CCDC68: variants seen among roughly 807,000 people sequenced by gnomAD.
CCDC68 encodes coiled-coil domain-containing protein 68.
CCDC68 carries 45 observed loss-of-function variants against 47.1 expected under a neutral mutation model. The observed-to-expected ratio is 0.96, with a 90% confidence interval of 0.75 to 1.23. The LOEUF is 1.23. CCDC68 is among the 50% of genes most tolerant of loss of function. The pLI is 0.00. For synonymous variants in CCDC68, 131 were observed against 129.5 expected (o/e 1.01, Z -0.08); for missense variants, 353 against 373.6 (o/e 0.94, Z 0.45).
intron 11 of CCDC68, among the ~76,000 whole-genome samples, chr18:54,906,821 T>G (rs774500494): frequency 6.6e-6 from 1 of 152,206 alleles, no homozygotes; most frequent in Non-Finnish European, 1.5e-5. Flanking sequence ...AACAAGCATC[T>G]GGAGGCCAAA....
chr18:54,908,051 CT>C (rs1914120798), intron 10 of CCDC68, among the ~76,000 whole-genome samples, 189 bp from the exon 11 acceptor site: 1 of 152,148 alleles, frequency 6.6e-6, no homozygotes, highest in Admixed American at 6.5e-5. Flanking sequence ...GCAGATACTC[CT>C]TTAAAAATGT....
At chr18:54,938,409 T>A (rs533295544) in intron 4 of CCDC68, among the ~76,000 whole-genome samples, 13 of 152,226 alleles carry the variant, frequency 8.5e-5, no homozygotes, top group Non-Finnish European at 1.5e-4. Flanking sequence ...GACATTTTTT[T>A]AAAAATCTAA....
intron 8 of CCDC68, among the ~76,000 whole-genome samples, chr18:54,923,223 C>A (rs1011548570): frequency 5.3e-5 from 8 of 151,836 alleles, no homozygotes; most frequent in Non-Finnish European, 7.4e-5. Flanking sequence ...TGAATATGCA[C>A]GAAATATAAA....
intron 11 of CCDC68, among the ~76,000 whole-genome samples, chr18:54,904,910 T>C (rs890230736): frequency 2.6e-5 from 4 of 152,182 alleles, no homozygotes; most frequent in South Asian, 2.1e-4. Context: ...TATATACATA[T>C]GCATATTTTA....
At chr18:54,904,470 A>G in intron 11 of CCDC68, 55 bp from the exon 12 acceptor site, 1 of 1,373,724 alleles carries the variant, frequency 7.3e-7, no homozygotes, top group Non-Finnish European at 1.0e-6. Context: ...TCTAGTGATT[A>G]TGGCTAGACT....
chr18:54,955,341 C>T (rs1204383742), intron 1 of CCDC68, among the ~76,000 whole-genome samples: 1 of 152,118 alleles, frequency 6.6e-6, no homozygotes, highest in Non-Finnish European at 1.5e-5. Flanking sequence ...CACACACACA[C>T]ACAAACAGAC....
chr18:54,940,109 T>A (rs1044033812), intron 4 of CCDC68, among the ~76,000 whole-genome samples: 2 of 152,042 alleles, frequency 1.3e-5, no homozygotes, highest in African/African-American at 4.8e-5. Flanking sequence ...TTCTCTCATT[T>A]CTCTCCACAC....
chr18:54,920,933 T>C (rs544915958), intron 8 of CCDC68, among the ~76,000 whole-genome samples: 5 of 152,232 alleles, frequency 3.3e-5, no homozygotes, highest in South Asian at 2.1e-4. Flanking sequence ...AGCAAAGACA[T>C]AGAAACAACC....
intron 10 of CCDC68, among the ~76,000 whole-genome samples, chr18:54,908,835 G>A (rs560090762): frequency 5.3e-5 from 8 of 152,026 alleles, no homozygotes; most frequent in African/African-American, 7.2e-5. Context: ...TCAGCCTCCC[G>A]AATAGCTGGG....
chr18:54,945,514 A>C (rs904154200), intron 1 of CCDC68, 37 bp from the exon 2 acceptor site: 1 of 151,764 alleles, frequency 6.6e-6, no homozygotes, highest in African/African-American at 2.4e-5. Context: ...AATATTTAAA[A>C]TCTAACAGTT....
chr18:54,945,009 ATTG>A (rs1409851732), intron 2 of CCDC68, among the ~76,000 whole-genome samples: 4 of 152,180 alleles, frequency 2.6e-5, no homozygotes, highest in South Asian at 4.1e-4. Context: ...ATGTTAAAGA[ATTG>A]TTGTAATTTT....
At chr18:54,913,347 T>C (rs1914475527) in intron 10 of CCDC68, among the ~76,000 whole-genome samples, 1 of 152,256 alleles carries the variant, frequency 6.6e-6, no homozygotes, top group Non-Finnish European at 1.5e-5. Flanking sequence ...CAAGCTCTGA[T>C]GATCATTTTT....
chr18:54,925,688 A>G (rs2044132646), intron 8 of CCDC68, among the ~76,000 whole-genome samples: 1 of 152,192 alleles, frequency 6.6e-6, no homozygotes, highest in Admixed American at 6.5e-5. Flanking sequence ...TGAAGCTATA[A>G]AAGAATCTTA....
At chr18:54,948,366 A>T (rs2044560201) in intron 1 of CCDC68, among the ~76,000 whole-genome samples, 1 of 152,136 alleles carries the variant, frequency 6.6e-6, no homozygotes, top group Non-Finnish European at 1.5e-5. Context: ...GATTACTAGC[A>T]AACCACCAGA....
intron 7 of CCDC68, among the ~76,000 whole-genome samples, chr18:54,929,866 A>G (rs572328533): frequency 6.6e-6 from 1 of 152,338 alleles, no homozygotes; most frequent in South Asian, 2.1e-4. Flanking sequence ...AATGTTAAGA[A>G]AAATTAACCC....
chr18:54,947,208 A>G (rs1394906841), intron 1 of CCDC68, among the ~76,000 whole-genome samples: 1 of 152,254 alleles, frequency 6.6e-6, no homozygotes, highest in East Asian at 1.9e-4. Flanking sequence ...TAATTAAAGT[A>G]AGGAAAGACT....
Position 54,907,816 on chromosome 18 carries a change from C to G in CCDC68, c.920G>C (p.Arg307Thr). The change falls in exon 11 of 12, where the codon AGG (arginine) becomes ACG (threonine). Residue 307 changes from arginine (R) to threonine (T), a missense_variant. By Grantham distance (71) the Arg-to-Thr change is moderately conservative (BLOSUM62 -1). Coordinates refer to ENST00000591504, the MANE Select transcript of CCDC68 (RefSeq NM_025214.3). The stretch of plus-strand genomic sequence containing the variant: ...AGAGACAGCCTTAGATACCTTTGTC[C>G]TAGGAGTTTCAGATGAAAGTGCTAC... ...TQVALSSETP[R>T]TKVSKAVSTS... The G allele has an allele frequency of 1.2e-6, 2 of 1,608,438 alleles. No homozygotes were observed. Among genetic ancestry groups the G allele is most frequent in the Non-Finnish European group, 1.7e-6 (2 of 1,174,862 alleles).
intron 10 of CCDC68, among the ~76,000 whole-genome samples, chr18:54,914,974 G>A (rs2043920324): frequency 6.6e-6 from 1 of 152,034 alleles, no homozygotes; most frequent in African/African-American, 2.4e-5. Flanking sequence ...TAAATAAATA[G>A]GCACAACTAA....
Position 54,929,170 on chromosome 18 carries a change from T to C in CCDC68, c.601-288A>G, listed in dbSNP as rs113799217. Among the ~76,000 whole-genome samples the C allele has an allele frequency of 4.2e-3, 645 of 152,204 alleles. 7 individuals carry two copies. Among genetic ancestry groups the C allele is most frequent in the African/African-American group, 0.014 (593 of 41,536 alleles). ...TGTTCAGCTCAACCTCTCCCACTAATCTCTCCCCATCCTACCACATGTAAA... is the reference window on the plus strand; with the variant it reads ...TGTTCAGCTCAACCTCTCCCACTAACCTCTCCCCATCCTACCACATGTAAA... On this transcript the variant is annotated intron_variant, in intron 7 of 11. Transcript: ENST00000591504.
Sources: allele counts gnomAD v4.1 joint callset (sites outside exome capture counted in the v4.1 genomes callset), GRCh38; gene constraint gnomAD v4.1.1; transcripts MANE v1.5; gene names NCBI Gene and HGNC (gene_info 2026-07-23, HGNC 2026-07-21).